The following ZNF827 variants were observed in gnomAD, a reference collection of about 807,000 sequenced individuals.
ZNF827 encodes the protein zinc finger protein 827.
Under a neutral mutation model 102.4 loss-of-function variants are expected in ZNF827, and 13 were observed. That is an observed-to-expected ratio of 0.13 (90% CI 0.08 to 0.20). ZNF827 has a LOEUF of 0.20. ZNF827 is among the 10% of genes least tolerant of loss of function. The pLI is 1.00. For missense variants in ZNF827, 1,103 were observed against 1,344.4 expected (o/e 0.82, Z 2.81); for synonymous variants, 523 against 536.2 (o/e 0.98, Z 0.34).
chr4:145,806,747 G>A lies in ZNF827; in HGVS notation c.2383+16675C>T, dbSNP rs115098106. On this transcript the variant is annotated intron_variant, in intron 8 of 14. Coordinates refer to ENST00000508784, the MANE Select transcript of ZNF827 (RefSeq NM_001306215.2). ...TGCTTATTATACATTTTGATATAAC[G>A]ACTGAAAATACCCTCCCACGGCAGC... Among the ~76,000 whole-genome samples, 1,388 of 152,100 alleles carry A rather than the reference G, an allele frequency of 9.1e-3. 12 individuals are homozygous for A. The highest frequency in any genetic ancestry group is 0.015 in the Non-Finnish European group (1,047 of 68,000).
chr4:145,779,746 T>C (rs1345007197), intron 8 of ZNF827, among the ~76,000 whole-genome samples: 1 of 152,234 alleles, frequency 6.6e-6, no homozygotes, highest in African/African-American at 2.4e-5. Context: ...TTTCTCTCTT[T>C]CTTCACTAAA....
At chr4:145,777,963 T>C (rs1737358423) in intron 9 of ZNF827, among the ~76,000 whole-genome samples, 1 of 152,162 alleles carries the variant, frequency 6.6e-6, no homozygotes, top group African/African-American at 2.4e-5. Context: ...TTATTTAAAA[T>C]TTCATTTAAG....
intron 7 of ZNF827, among the ~76,000 whole-genome samples, chr4:145,845,686 A>C (rs1745863166): frequency 6.6e-6 from 1 of 152,230 alleles, no homozygotes; most frequent in Admixed American, 6.5e-5. Context: ...CTACTTCACA[A>C]AATTATTGTC....
rs1423473269 is a variant in ZNF827 at position 145,762,139 on chromosome 4, T to TTA, written c.*18-542_*18-541insTA. Among the ~76,000 whole-genome samples the TTA allele has an allele frequency of 3.3e-5, 5 of 152,086 alleles. No individual in the cohort carries two copies. Among genetic ancestry groups the TTA allele is most frequent in the African/African-American group, 1.2e-4 (5 of 41,402 alleles). On this transcript the variant is annotated intron_variant, in intron 14 of 14. Transcript: ENST00000508784. The surrounding 1 kb of genome is among the most constrained non-coding windows in gnomAD (Gnocchi z 4.9). Reference sequence around the variant, plus strand: ...AAGTCACAGGGGTCAGAATCGTGCTTATTAAGGGTTTGTTAGGATGAGAAG... The same window carrying TTA: ...AAGTCACAGGGGTCAGAATCGTGCTTTAATTAAGGGTTTGTTAGGATGAGAAG...
At chr4:145,839,900 A>G (rs916718239) in intron 7 of ZNF827, among the ~76,000 whole-genome samples, 3 of 152,248 alleles carry the variant, frequency 2.0e-5, no homozygotes, top group Non-Finnish European at 4.4e-5. Flanking sequence ...AGATCCTGAA[A>G]AGGAGATTTA....
intron 1 of ZNF827, among the ~76,000 whole-genome samples, chr4:145,926,203 G>A (rs560267685): frequency 2.6e-5 from 4 of 152,192 alleles, no homozygotes; most frequent in South Asian, 2.1e-4. Flanking sequence ...ATGAAGTATC[G>A]GTTATCACAC....
chr4:145,919,434 C>T (rs776033377), intron 1 of ZNF827, among the ~76,000 whole-genome samples: 2 of 152,196 alleles, frequency 1.3e-5, no homozygotes, highest in Non-Finnish European at 2.9e-5. Context: ...CTCATTCCTG[C>T]ATCACTCTGC....
At chr4:145,916,914 A>G (rs114958785) in intron 1 of ZNF827, among the ~76,000 whole-genome samples, 3 of 152,214 alleles carry the variant, frequency 2.0e-5, no homozygotes, top group Admixed American at 6.5e-5. Flanking sequence ...CCACATCATA[A>G]CAAGGATGGC....
intron 3 of ZNF827, 144 bp downstream of exon 3, chr4:145,892,099 T>C (rs1464146465): frequency 5.7e-6 from 4 of 699,290 alleles, no homozygotes; most frequent in African/African-American, 1.8e-5. Flanking sequence ...TGTTGAATTC[T>C]ACCTTGCTAC....
intron 11 of ZNF827, among the ~76,000 whole-genome samples, chr4:145,766,324 G>A (rs189285381): frequency 7.2e-5 from 11 of 152,280 alleles, no homozygotes; most frequent in Admixed American, 5.2e-4. Context: ...AAGAGAGCGC[G>A]TCAGGGACTG....
chr4:145,911,194 C>G (rs896740871), intron 1 of ZNF827, among the ~76,000 whole-genome samples: 2 of 152,180 alleles, frequency 1.3e-5, no homozygotes, highest in African/African-American at 2.4e-5. Context: ...CAAGAAAGAA[C>G]AACACTGCAG....
chr4:145,776,634 T>A (rs1737154545), intron 9 of ZNF827, among the ~76,000 whole-genome samples: 1 of 151,994 alleles, frequency 6.6e-6, no homozygotes, highest in Non-Finnish European at 1.5e-5. Context: ...GTGTACCCCA[T>A]GTGTCAGTCA....
At chr4:145,883,940 G>A (rs1749892697) in intron 4 of ZNF827, among the ~76,000 whole-genome samples, 1 of 151,790 alleles carries the variant, frequency 6.6e-6, no homozygotes, top group South Asian at 2.1e-4. Context: ...CAGCAAACAT[G>A]GAATACATGA....
chr4:145,808,603 G>A (rs1377092062), intron 8 of ZNF827, among the ~76,000 whole-genome samples: 1 of 152,194 alleles, frequency 6.6e-6, no homozygotes, highest in East Asian at 1.9e-4. Context: ...AAGGTAGTAG[G>A]TACAGATAAA....
intron 1 of ZNF827, among the ~76,000 whole-genome samples, chr4:145,934,579 G>A (rs1056638115): frequency 4.6e-5 from 7 of 152,190 alleles, no homozygotes; most frequent in Non-Finnish European, 4.4e-5. Flanking sequence ...TGTGCCAGGG[G>A]CTGAGGCTCA....
rs563045511 is a variant in ZNF827, at chr4:145,858,397, C to T, written c.1982-8836G>A. Among the ~76,000 whole-genome samples, 13 of 152,154 alleles carry T rather than the reference C, an allele frequency of 8.5e-5. 1 individual carries two copies. In the South Asian group the frequency reaches 2.7e-3, roughly 32 times the overall value. On this transcript the variant is annotated intron_variant, in intron 5 of 14. Coordinates refer to ENST00000508784, the MANE Select transcript of ZNF827 (RefSeq NM_001306215.2). ...CTGTAATCCCAGTGCTTTGGGAGGG[C>T]AAAGTGGGAGGACTGCTTGAGGTTA... is the stretch of plus-strand genomic sequence containing the variant.
At chr4:145,778,134 A>C (rs1361882679) in intron 9 of ZNF827, among the ~76,000 whole-genome samples, 1 of 152,004 alleles carries the variant, frequency 6.6e-6, no homozygotes, top group Admixed American at 6.6e-5. Context: ...TCTACAAAAA[A>C]CTTTTTGTTT....
At position 145,761,500 on chromosome 4, in the gene ZNF827, G is replaced by T; in HGVS notation, c.*116C>A. 4 of 1,289,814 alleles carry T rather than the reference G, an allele frequency of 3.1e-6. No individual in the cohort carries two copies. In the South Asian group the frequency reaches 4.9e-5, roughly 16 times the overall value. The allele number at this position is 1,289,814 out of a possible 1,614,324, so 79.9% of individuals were successfully genotyped here. A position where few individuals can be genotyped will look rare whatever the true frequency, so the allele number is the denominator to read the frequency against. On this transcript the variant is annotated 3_prime_UTR_variant, in exon 15 of 15. Coordinates refer to ENST00000508784, the MANE Select transcript of ZNF827 (RefSeq NM_001306215.2). This position sits in a 1 kb window ranked among gnomAD's most constrained non-coding sequence, Gnocchi z 6.8. ...CAGCTCCAGCTGGTTGGCCTTCACCGTCTGGCAGATCCGGCACTTGTACTC... is the reference window on the plus strand; with the variant it reads ...CAGCTCCAGCTGGTTGGCCTTCACCTTCTGGCAGATCCGGCACTTGTACTC...
At chr4:145,857,248 C>G (rs1369554386) in intron 5 of ZNF827, among the ~76,000 whole-genome samples, 2 of 152,204 alleles carry the variant, frequency 1.3e-5, no homozygotes, top group Non-Finnish European at 2.9e-5. Flanking sequence ...ACCTGAGAAG[C>G]ACCAGGTATT....
Sources: gnomAD v4.1 joint callset for allele counts (sites outside exome capture counted in the v4.1 genomes callset) on GRCh38, gnomAD v4.1.1 for gene constraint, Gnocchi (gnomAD v3.1) non-coding constraint, MANE v1.5 for transcripts, NCBI Gene and HGNC (gene_info 2026-07-23, HGNC 2026-07-21) for gene names.